CACNA1S: variants seen among roughly 807,000 people sequenced by gnomAD.
The protein encoded by CACNA1S is calcium voltage-gated channel subunit alpha1 S, also known as voltage-dependent L-type calcium channel subunit alpha-1S.
A neutral mutation model predicts 207.4 loss-of-function variants in CACNA1S; 126 were observed. The observed-to-expected ratio is 0.61, with a 90% CI of 0.53 to 0.70. The LOEUF is 0.70. Ranked by LOEUF, CACNA1S falls within the 30% of genes least tolerant of loss-of-function variation. The pLI is 0.00. For missense variants in CACNA1S, 2,349 were observed against 2,422.8 expected, an observed-to-expected ratio of 0.97 and a Z score of 0.64; for synonymous variants, 960 against 932.7, an observed-to-expected ratio of 1.03 and a Z score of -0.53.
chr1:201,049,169 A>G lies in CACNA1S; in HGVS notation c.4242-70T>C, dbSNP rs930113422. 9.4e-6 allele frequency: 10 copies of G among 1,060,276 alleles called. No homozygotes were observed. In the African/African-American group the frequency reaches 1.6e-4, roughly 17 times the overall value. 65.7% of individuals were successfully genotyped at this position (1,060,276 alleles called of 1,614,324 possible). A position where few individuals can be genotyped will look rare whatever the true frequency, so the allele number is the denominator to read the frequency against. On this transcript the variant is annotated intron_variant, in intron 34 of 43. Transcript: ENST00000362061. ...CTGCCAGAACCTTTCTGCTCAGAGG[A>G]TGGGCAATGGGAAAGAAAGCCAGGA...
At chr1:201,087,050 G>A (rs900697245) in intron 7 of CACNA1S, among the ~76,000 whole-genome samples, 9 of 152,212 alleles carry the variant, frequency 5.9e-5, no homozygotes, top group Admixed American at 3.3e-4. Flanking sequence ...ATACCAATGG[G>A]GAAGAAGGCT....
At chr1:201,111,061 CA>C (rs1663083099) in intron 1 of CACNA1S, among the ~76,000 whole-genome samples, 1 of 144,374 alleles carries the variant, frequency 6.9e-6, no homozygotes, top group Non-Finnish European at 1.5e-5. Context: ...GCCACAGGGG[CA>C]GGGCGCAGAG....
At chr1:201,049,523 A>G (rs1219077157) in intron 34 of CACNA1S, among the ~76,000 whole-genome samples, 1 of 152,186 alleles carries the variant, frequency 6.6e-6, no homozygotes, top group Non-Finnish European at 1.5e-5. Flanking sequence ...TTTCATTGGC[A>G]CCGTGACTCC....
chr1:201,048,492 G>C, intron 36 of CACNA1S, 90 bp downstream of exon 36: 1 of 1,116,030 alleles, frequency 9.0e-7, no homozygotes, highest in South Asian at 1.3e-5. Context: ...GTTCTTAAGA[G>C]CAATCTTGAG....
intron 8 of CACNA1S, 40 bp from the exon 9 acceptor site, chr1:201,085,071 C>T (rs1180760053): frequency 2.0e-6 from 3 of 1,479,816 alleles, no homozygotes; most frequent in South Asian, 2.3e-5. Context: ...CCTTCGGGGC[C>T]CCTCTGGGCT....
rs933756383 is a variant in CACNA1S, at chr1:201,061,836, G to A, written c.3053+108C>T. ...CAGAGAGTTGGTGGGTTTGTTGGAC[G>A]CCTGCCACAGGTAGCAGTAGCACCG... is the stretch of plus-strand genomic sequence containing the variant. On this transcript the variant is annotated intron_variant, in intron 24 of 43. Transcript: ENST00000362061. The A allele has an allele frequency of 1.1e-4, 136 of 1,279,346 alleles. 1 individual carries two copies. Among genetic ancestry groups the A allele is most frequent in the Middle Eastern group, 2.0e-4 (1 of 4,976 alleles). The allele number at this position is 1,279,346 out of a possible 1,614,324, so 79.2% of individuals were successfully genotyped here.
At chr1:201,101,098 T>C (rs750264257) in intron 2 of CACNA1S, among the ~76,000 whole-genome samples, 3 of 152,200 alleles carry the variant, frequency 2.0e-5, no homozygotes, top group Admixed American at 1.3e-4. Flanking sequence ...GTAAAGATCA[T>C]GTACTATGAG....
At chr1:201,074,772 C>T (rs750127825) in intron 13 of CACNA1S, 152 bp from the exon 14 acceptor site, 1 of 706,122 alleles carries the variant, frequency 1.4e-6, no homozygotes, top group South Asian at 1.5e-5. Flanking sequence ...GTGGAAGGCC[C>T]TCAGGGAAGC....
At position 201,040,785 on chromosome 1, in the gene CACNA1S, C is replaced by T. The variant is rs544497113; in HGVS notation, c.5135-72G>A. ...CAGGAGCCCTGAGTCAACAGAGGCT[C>T]GCTTGGCTGGCTAGCCACACTCTGT... On this transcript the variant is annotated intron_variant, in intron 41 of 43. Transcript: ENST00000362061. 8.6e-5 allele frequency: 105 copies of T among 1,218,636 alleles called. 3 individuals carry two copies. The South Asian group carries it at 9.0e-4, about 10-fold the overall frequency. 75.5% of individuals were successfully genotyped at this position (1,218,636 alleles called of 1,614,324 possible). A position where few individuals can be genotyped will look rare whatever the true frequency, so the allele number is the denominator to read the frequency against.
rs1661687133 is a variant in CACNA1S at position 201,077,867 on chromosome 1, C to A, written c.1619+12G>T. 1.9e-6 allele frequency: 3 copies of A among 1,603,068 alleles called. No homozygotes were observed. In the African/African-American group the frequency reaches 4.0e-5, roughly 21 times the overall value. ...CGGGGACCCGGGAGTGCCAGCCGAC[C>A]CCGGCACTCACTTGGTGATCTTGAA... On this transcript the variant is annotated intron_variant, in intron 11 of 43. Coordinates refer to ENST00000362061, the MANE Select transcript of CACNA1S (RefSeq NM_000069.3).
intron 12 of CACNA1S, among the ~76,000 whole-genome samples, chr1:201,076,075 A>G (rs1298124218): frequency 6.6e-6 from 1 of 152,182 alleles, no homozygotes; most frequent in East Asian, 1.9e-4. Context: ...CTCGAAAAAC[A>G]AAACAAAACC....
chr1:201,085,104 C>T (rs549221284), intron 8 of CACNA1S, 73 bp from the exon 9 acceptor site: 6 of 1,038,562 alleles, frequency 5.8e-6, no homozygotes, highest in Admixed American at 1.7e-5. Flanking sequence ...ACTGGGCACC[C>T]GAGACAAGGG....
intron 27 of CACNA1S, 150 bp downstream of exon 27, chr1:201,059,039 G>A: frequency 1.6e-6 from 1 of 620,828 alleles, no homozygotes; most frequent in East Asian, 2.8e-5. Context: ...GTGTCTGAAG[G>A]TGGAAGTGGG....
chr1:201,076,368 A>T (rs1020856771), intron 12 of CACNA1S, among the ~76,000 whole-genome samples: 1 of 152,244 alleles, frequency 6.6e-6, no homozygotes, highest in African/African-American at 2.4e-5. Flanking sequence ...CTCATGAAAT[A>T]TGGGCCACTC....
chr1:201,080,146 A>G (rs1271515267), intron 10 of CACNA1S, among the ~76,000 whole-genome samples: 1 of 152,132 alleles, frequency 6.6e-6, no homozygotes, highest in Non-Finnish European at 1.5e-5. Context: ...TCCCAGATTT[A>G]GTTCTTCAGC....
At chr1:201,047,440 A>G in intron 37 of CACNA1S, 85 bp downstream of exon 37, 1 of 1,325,278 alleles carries the variant, frequency 7.5e-7, no homozygotes, top group East Asian at 2.3e-5. Flanking sequence ...GTCCGTTCTC[A>G]GATTCCCATG....
At chr1:201,048,754 C>T (rs564190227) in intron 35 of CACNA1S, 70 bp from the exon 36 acceptor site, 77 of 1,382,544 alleles carry the variant, frequency 5.6e-5, no homozygotes, top group Middle Eastern at 1.9e-4. Context: ...CATCCTCACC[C>T]GGTCTGTGGA....
At chr1:201,055,475 T>C (rs1268591275) in intron 28 of CACNA1S, among the ~76,000 whole-genome samples, 3 of 152,260 alleles carry the variant, frequency 2.0e-5, no homozygotes, top group African/African-American at 4.8e-5. Context: ...GATTCTCATA[T>C]GCAAGCAAGG....
intron 32 of CACNA1S, among the ~76,000 whole-genome samples, chr1:201,051,599 A>G (rs3767498): frequency 0.78 from 118,052 of 152,152 alleles, 46,855 homozygotes; most frequent in East Asian, 0.99. Flanking sequence ...TCGCTGTTGA[A>G]TGAAGAATCT....
Sources: allele counts gnomAD v4.1 joint callset (sites outside exome capture counted in the v4.1 genomes callset), GRCh38; gene constraint gnomAD v4.1.1; transcripts MANE v1.5; gene names NCBI Gene and HGNC (gene_info 2026-07-23, HGNC 2026-07-21).